The following ATP10B variants were observed in gnomAD, a reference collection of about 807,000 sequenced individuals.
The protein encoded by ATP10B is ATPase phospholipid transporting 10B (putative), also known as phospholipid-transporting ATPase VB.
ATP10B carries 122 observed loss-of-function variants against 141.2 expected under a neutral mutation model. That is an observed-to-expected ratio of 0.86 (90% CI 0.75 to 1.00). The LOEUF is 1.00. Among genes scored for constraint, ATP10B ranks in the 50% least tolerant of loss-of-function variants. The pLI is 0.00. For synonymous variants in ATP10B, 685 were observed against 692.0 expected, an observed-to-expected ratio of 0.99 and a Z score of 0.16; for missense variants, 1,876 against 1,825.3, an observed-to-expected ratio of 1.03 and a Z score of -0.51.
intron 11 of ATP10B, among the ~76,000 whole-genome samples, chr5:160,635,053 C>T (rs1561675744): frequency 1.3e-5 from 2 of 152,290 alleles, no homozygotes; most frequent in East Asian, 1.9e-4. Context: ...GTTAACAGAA[C>T]GTAATTCCTG....
chr5:160,578,691 T>C (rs1377088681), intron 24 of ATP10B, among the ~76,000 whole-genome samples: 1 of 152,226 alleles, frequency 6.6e-6, no homozygotes, highest in Admixed American at 6.5e-5. Context: ...TTTATAATGC[T>C]TTGGGTATAT....
At chr5:160,731,985 G>C (rs1316216555) in intron 2 of ATP10B, among the ~76,000 whole-genome samples, 2 of 152,042 alleles carry the variant, frequency 1.3e-5, no homozygotes, top group Non-Finnish European at 2.9e-5. Flanking sequence ...ATGTTGAACA[G>C]GTAAGACCCC....
chr5:160,590,855 G>GT, intron 23 of ATP10B, among the ~76,000 whole-genome samples: 1 of 152,304 alleles, frequency 6.6e-6, no homozygotes, highest in Non-Finnish European at 1.5e-5. Flanking sequence ...ATAGCTTTCA[G>GT]TTTTTCAAGA....
chr5:160,761,121 A>G (rs1768998438), intron 2 of ATP10B, among the ~76,000 whole-genome samples: 1 of 151,930 alleles, frequency 6.6e-6, no homozygotes, highest in African/African-American at 2.4e-5. Flanking sequence ...TCAGAACAGA[A>G]CCACCCTCCT....
chr5:160,899,631 G>C, the ATP10B span, among the ~76,000 whole-genome samples: 1 of 152,052 alleles, frequency 6.6e-6, no homozygotes, highest in African/African-American at 2.4e-5. Context: ...ACTTTTTTCA[G>C]TGACATGAGT....
the ATP10B span, among the ~76,000 whole-genome samples, chr5:160,918,954 G>T: frequency 2.6e-5 from 4 of 151,324 alleles, no homozygotes; most frequent in South Asian, 6.3e-4. Context: ...GGCCGGGCGC[G>T]GTGGCTCACG....
the ATP10B span, among the ~76,000 whole-genome samples, chr5:160,872,806 T>C: frequency 2.0e-5 from 3 of 152,346 alleles, no homozygotes; most frequent in South Asian, 2.1e-4. Context: ...TATCAGGTAA[T>C]GTGATGCCTA....
chr5:160,843,249 A>G (rs1217455334), intron 1 of ATP10B, among the ~76,000 whole-genome samples: 1 of 152,146 alleles, frequency 6.6e-6, no homozygotes, highest in Admixed American at 6.5e-5. Flanking sequence ...AGCTATGTGT[A>G]TATGTGGGAA....
At chr5:160,837,488 T>G (rs1392429780) in intron 1 of ATP10B, among the ~76,000 whole-genome samples, 1 of 152,192 alleles carries the variant, frequency 6.6e-6, no homozygotes, top group African/African-American at 2.4e-5. Context: ...GTGTTACCAT[T>G]TTACTTCATG....
chr5:160,868,964 G>A, the ATP10B span, among the ~76,000 whole-genome samples: 2 of 152,092 alleles, frequency 1.3e-5, no homozygotes, highest in African/African-American at 2.4e-5. Flanking sequence ...AACCACCGGG[G>A]AAAAGTATGC....
At chr5:160,665,467 A>G (rs759090932) in intron 7 of ATP10B, among the ~76,000 whole-genome samples, 1 of 152,224 alleles carries the variant, frequency 6.6e-6, no homozygotes, top group Non-Finnish European at 1.5e-5. Flanking sequence ...TAGGTTAAAT[A>G]AATTTGGAGA....
intron 19 of ATP10B, among the ~76,000 whole-genome samples, chr5:160,605,420 T>C (rs1398421653): frequency 5.3e-5 from 8 of 152,198 alleles, no homozygotes; most frequent in African/African-American, 1.9e-4. Context: ...CCAGGAGAAG[T>C]AGAGGTGTGA....
chr5:160,736,492 G>A (rs1767120053), intron 2 of ATP10B, among the ~76,000 whole-genome samples: 1 of 152,158 alleles, frequency 6.6e-6, no homozygotes, highest in African/African-American at 2.4e-5. Context: ...GGCCAGGCAT[G>A]GTGGCTCACG....
intron 1 of ATP10B, among the ~76,000 whole-genome samples, chr5:160,824,999 T>C (rs1213970720): frequency 2.6e-5 from 4 of 151,942 alleles, no homozygotes; most frequent in Non-Finnish European, 5.9e-5. Context: ...TCAACTAGCT[T>C]TATGCTTTGC....
chr5:160,861,265 CTAGAA>C, the ATP10B span, among the ~76,000 whole-genome samples: 17 of 151,816 alleles, frequency 1.1e-4, no homozygotes. Context: ...ATTTTACACA[CTAGAA>C]TAGAGAACTA....
chr5:160,698,148 C>G (rs896485432), intron 3 of ATP10B, among the ~76,000 whole-genome samples: 3 of 152,062 alleles, frequency 2.0e-5, no homozygotes, highest in Non-Finnish European at 4.4e-5. Context: ...CTAGGTATTT[C>G]AACTTTAACA....
chr5:160,845,130 G>A (rs937131887), intron 1 of ATP10B, among the ~76,000 whole-genome samples: 8 of 152,132 alleles, frequency 5.3e-5, no homozygotes, highest in Admixed American at 3.9e-4. Context: ...ATCTAATGTT[G>A]AAACTGAACT....
chr5:160,803,334 T>G (rs1772524738), intron 1 of ATP10B, among the ~76,000 whole-genome samples: 1 of 152,176 alleles, frequency 6.6e-6, no homozygotes, highest in African/African-American at 2.4e-5. Flanking sequence ...ATTATTTGAT[T>G]TAAGCTTCAT....
the ATP10B span, among the ~76,000 whole-genome samples, chr5:160,893,263 C>A: frequency 6.6e-6 from 1 of 152,166 alleles, no homozygotes; most frequent in African/African-American, 2.4e-5. Context: ...GCAGATCCCA[C>A]CCCTACAGAG....
Sources: gnomAD v4.1 joint callset for allele counts (sites outside exome capture counted in the v4.1 genomes callset) on GRCh38, gnomAD v4.1.1 for gene constraint, MANE v1.5 for transcripts, NCBI Gene and HGNC (gene_info 2026-07-23, HGNC 2026-07-21) for gene names.